The following PCDHA5 variants were observed in gnomAD, a reference collection of about 807,000 sequenced individuals.
PCDHA5 encodes protocadherin alpha 5, also known as protocadherin alpha-5.
Under a neutral mutation model 61.6 loss-of-function variants are expected in PCDHA5, and 43 were observed. The observed-to-expected ratio is 0.70, with a 90% CI of 0.55 to 0.90. The LOEUF is 0.90. Among genes scored for constraint, PCDHA5 ranks in the 40% least tolerant of loss-of-function variants. The pLI is 0.00. For synonymous variants in PCDHA5, 627 were observed against 543.9 expected (o/e 1.15, Z -2.13); for missense variants, 1,298 against 1,222.7 (o/e 1.06, Z -0.92).
intron 1 of PCDHA5, among the ~76,000 whole-genome samples, chr5:140,903,475 A>C (rs1186809574): frequency 6.6e-6 from 1 of 152,220 alleles, no homozygotes; most frequent in African/African-American, 2.4e-5. Flanking sequence ...TATTCCTTGC[A>C]TTATAGTTCT....
Position 140,857,453 on chromosome 5 carries a change from C to A in PCDHA5, c.2352+33326C>A, listed in dbSNP as rs545328956. On this transcript the variant is annotated intron_variant, in intron 1 of 3. Coordinates refer to ENST00000529859, the MANE Select transcript of PCDHA5 (RefSeq NM_018908.3). ...GGTGTTCGTGAAGGAGAACAACCCG[C>A]CAGGCTGCCACATCTTCACGGTGTC... 1 of 1,598,604 alleles carries A rather than the reference C, an allele frequency of 6.3e-7. No individual in the cohort carries two copies. The highest frequency in any genetic ancestry group is 1.1e-5 in the South Asian group (1 of 90,558).
chr5:140,850,794 A>G, intron 1 of PCDHA5: 2 of 1,598,296 alleles, frequency 1.3e-6, no homozygotes, highest in Non-Finnish European at 1.7e-6. Context: ...TAAGCAGAAG[A>G]CCGACCTCAT....
At chr5:141,007,015 A>G (rs1342063703) in intron 3 of PCDHA5, among the ~76,000 whole-genome samples, 1 of 152,210 alleles carries the variant, frequency 6.6e-6, no homozygotes, top group Non-Finnish European at 1.5e-5. Flanking sequence ...TCATCAGCTT[A>G]TTCATATGGT....
intron 1 of PCDHA5, chr5:140,856,371 T>G: frequency 6.3e-7 from 1 of 1,598,432 alleles, no homozygotes; most frequent in South Asian, 1.1e-5. Flanking sequence ...CTGGAGGTGA[T>G]CGTGGACAGG....
At chr5:140,892,260 T>C (rs2063449120) in intron 1 of PCDHA5, among the ~76,000 whole-genome samples, 1 of 152,218 alleles carries the variant, frequency 6.6e-6, no homozygotes, top group East Asian at 1.9e-4. Flanking sequence ...TCTTTGATTT[T>C]GTGCTGAAAG....
Position 140,836,245 on chromosome 5 carries a change from C to G in PCDHA5, c.2352+12118C>G, listed in dbSNP as rs199869403. ...CCGGTGGCGGCCGGTGCGAGCATCCCGTTCCGCGTGGGGCTGTACACTGGT... is the reference window on the plus strand; with the variant it reads ...CCGGTGGCGGCCGGTGCGAGCATCCGGTTCCGCGTGGGGCTGTACACTGGT... On this transcript the variant is annotated intron_variant, in intron 1 of 3. Coordinates refer to ENST00000529859, the MANE Select transcript of PCDHA5 (RefSeq NM_018908.3). 11 of 1,613,768 alleles carry G rather than the reference C, an allele frequency of 6.8e-6. No individual in the cohort carries two copies. The Admixed American group carries it at 1.0e-4, about 15-fold the overall frequency.
chr5:140,847,921 C>T lies in PCDHA5; in HGVS notation c.2352+23794C>T, dbSNP rs1781251714. ...GTAGATTTCTGGGCTCCTATATTCA[C>T]TAGAGATTGCAACTCCTGGATTTCT... On this transcript the variant is annotated intron_variant, in intron 1 of 3. Transcript: ENST00000529859. 2 of 150,926 alleles carry T rather than the reference C, an allele frequency of 1.3e-5. 1 individual carries two copies. Among genetic ancestry groups the T allele is most frequent in the Non-Finnish European group, 2.9e-5 (2 of 67,862 alleles). 9.3% of individuals were successfully genotyped at this position (150,926 alleles called of 1,614,324 possible).
intron 1 of PCDHA5, among the ~76,000 whole-genome samples, chr5:140,971,815 A>G (rs988959952): frequency 3.2e-4 from 49 of 152,166 alleles, no homozygotes; most frequent in African/African-American, 1.1e-3. Flanking sequence ...TATTGAATAC[A>G]TATATGATTT....
chr5:140,881,145 A>G (rs1335769260), intron 1 of PCDHA5, among the ~76,000 whole-genome samples: 1 of 152,246 alleles, frequency 6.6e-6, no homozygotes, highest in Non-Finnish European at 1.5e-5. Context: ...TTATAACAAT[A>G]GATAAAAGTA....
chr5:140,877,021 G>A, intron 1 of PCDHA5: 1 of 1,612,514 alleles, frequency 6.2e-7, no homozygotes, highest in Non-Finnish European at 8.5e-7. Context: ...GAGCGGCAAG[G>A]TGTACGCGCT....
At chr5:140,967,091 G>A (rs782261207) in intron 1 of PCDHA5, 1 of 1,613,196 alleles carries the variant, frequency 6.2e-7, no homozygotes. Context: ...TGATCGGGAG[G>A]CGCTGTGTGA....
chr5:140,824,126 A>G lies in PCDHA5; in HGVS notation c.2351A>G (p.Asn784Ser). ...CCTCAGGGTCCCACCTCTACAGACA[A>G]CGTGAGTTTTCTAATATTAACATCC... The part of the protein sequence containing the change: ...SLPQGPTSTD[N>S]PRQPNPDWRY... Residue 784 changes from asparagine to serine, a missense_variant and splice_region_variant, in exon 1 of 4, where the codon AAC becomes AGC. Asn to Ser is a conservative substitution (Grantham distance 46, BLOSUM62 1). Coordinates refer to ENST00000529859, the MANE Select transcript of PCDHA5 (RefSeq NM_018908.3). 2 of 1,613,742 alleles carry G rather than the reference A, an allele frequency of 1.2e-6. No homozygotes were observed. The highest frequency in any genetic ancestry group is 1.1e-5 in the South Asian group (1 of 91,082).
At chr5:140,927,399 TC>T (rs781939330) in intron 1 of PCDHA5, 1 of 1,614,076 alleles carries the variant, frequency 6.2e-7, no homozygotes. Context: ...GTCAGCACTT[TC>T]GCCTGGACAT....
chr5:140,993,943 A>C (rs1055382423), intron 3 of PCDHA5, among the ~76,000 whole-genome samples: 1 of 152,220 alleles, frequency 6.6e-6, no homozygotes, highest in Admixed American at 6.5e-5. Flanking sequence ...CCCCATTGTT[A>C]AGTGATACAT....
intron 1 of PCDHA5, among the ~76,000 whole-genome samples, chr5:140,977,826 T>C (rs1554238818): frequency 1.3e-5 from 2 of 152,208 alleles, no homozygotes; most frequent in Admixed American, 6.5e-5. Flanking sequence ...TTTTGAATGG[T>C]CTATTGATAT....
chr5:140,938,477 A>T (rs2092083791), intron 1 of PCDHA5, among the ~76,000 whole-genome samples: 1 of 152,178 alleles, frequency 6.6e-6, no homozygotes, highest in Non-Finnish European at 1.5e-5. Flanking sequence ...TATGTTTTTT[A>T]AAAATCATGA....
intron 1 of PCDHA5, chr5:140,926,801 C>T: frequency 1.4e-6 from 2 of 1,451,506 alleles, no homozygotes; most frequent in Non-Finnish European, 9.0e-7. Flanking sequence ...GCGTGCTCTT[C>T]CCCGCGGCTC....
rs782141223 is a variant in PCDHA5, at chr5:140,929,191, AAC to A, written c.2353-49756_2353-49755del. On this transcript the variant is annotated intron_variant, in intron 1 of 3. Transcript: ENST00000529859. ...CTCTCTGGGACTTGGTTCTGATAAT[AAC>A]AGTTTGCTGTTGCGTGGGGAGTACA... is the stretch of plus-strand genomic sequence containing the variant. 3.1e-6 allele frequency: 5 copies of A among 1,614,000 alleles called. No homozygotes were observed. In the African/African-American group the frequency reaches 6.7e-5, roughly 22 times the overall value.
intron 1 of PCDHA5, chr5:140,871,599 T>G: frequency 1.4e-6 from 2 of 1,447,906 alleles, no homozygotes; most frequent in Non-Finnish European, 1.8e-6. Flanking sequence ...GAATAACCAG[T>G]GTTTTGAATA....
Sources: gnomAD v4.1 joint callset for allele counts (sites outside exome capture counted in the v4.1 genomes callset) on GRCh38, gnomAD v4.1.1 for gene constraint, MANE v1.5 for transcripts, NCBI Gene and HGNC (gene_info 2026-07-23, HGNC 2026-07-21) for gene names.